FANK1: variants seen among roughly 807,000 people sequenced by gnomAD.
FANK1 encodes the protein fibronectin type III and ankyrin repeat domains 1, also known as fibronectin type 3 and ankyrin repeat domains protein 1.
FANK1 carries 44 observed loss-of-function variants against 45.3 expected under a neutral mutation model. The ratio of observed to expected loss-of-function variants is 0.97; its 90% confidence interval spans 0.76 to 1.25. The LOEUF is 1.25. FANK1 is among the 50% of genes most tolerant of loss of function. The pLI is 0.00. For missense variants in FANK1, 391 were observed against 424.4 expected (o/e 0.92, Z 0.69); for synonymous variants, 149 against 152.5 (o/e 0.98, Z 0.17).
chr10:125,967,581 A>G lies in FANK1; in HGVS notation c.14-12580A>G, dbSNP rs545393312. ...GAGGATTTGCTATACTATTCGTTCT[A>G]CTTTTTATGTTGAAATTTTTATTCA... On this transcript the variant is annotated intron_variant, in intron 1 of 10. Coordinates refer to ENST00000368693, the MANE Select transcript of FANK1 (RefSeq NM_145235.5). Among the ~76,000 whole-genome samples, 4 of 152,260 alleles carry G rather than the reference A, an allele frequency of 2.6e-5. No individual in the cohort carries two copies. The South Asian group carries it at 8.3e-4, about 32-fold the overall frequency.
In FANK1 at chr10:125,940,856, A is replaced by G. The variant is rs187697849; in HGVS notation, c.14-39305A>G. On this transcript the variant is annotated intron_variant, in intron 1 of 10. Coordinates refer to ENST00000368693, the MANE Select transcript of FANK1 (RefSeq NM_145235.5). The stretch of plus-strand genomic sequence containing the variant: ...GACTTTTACCAAGCATACTGCCTGT[A>G]AACATATTGTTAACAAGGCACATCC... 9.8e-5 allele frequency among the ~76,000 whole-genome samples: 15 copies of G among 152,344 alleles called. No homozygotes were observed. The East Asian group carries it at 2.5e-3, about 25-fold the overall frequency.
At chr10:125,970,292 C>T (rs1950423137) in intron 1 of FANK1, among the ~76,000 whole-genome samples, 1 of 151,468 alleles carries the variant, frequency 6.6e-6, no homozygotes, top group Non-Finnish European at 1.5e-5. Context: ...CGGGGGCGCC[C>T]CCTGCCTCCC....
intron 1 of FANK1, among the ~76,000 whole-genome samples, chr10:125,955,302 C>T (rs116930785): frequency 1.3e-5 from 2 of 152,132 alleles, no homozygotes; most frequent in East Asian, 3.9e-4. Context: ...TTGGTCCCCC[C>T]CATGTGACCA....
At chr10:125,901,540 T>C (rs1945037397) in intron 1 of FANK1, among the ~76,000 whole-genome samples, 1 of 152,154 alleles carries the variant, frequency 6.6e-6, no homozygotes, top group East Asian at 1.9e-4. Context: ...TCATCACACA[T>C]CTGATCTTAG....
intron 7 of FANK1, among the ~76,000 whole-genome samples, chr10:126,006,056 A>T (rs1374317980): frequency 6.6e-6 from 1 of 152,238 alleles, no homozygotes; most frequent in Admixed American, 6.5e-5. Context: ...ACTTTGAAGA[A>T]ATTAGCTAAA....
intron 3 of FANK1, among the ~76,000 whole-genome samples, chr10:125,989,113 TG>T (rs1951760948): frequency 6.6e-6 from 1 of 152,190 alleles, no homozygotes; most frequent in Non-Finnish European, 1.5e-5. Context: ...ACCCGATTCC[TG>T]GGGTCACGGT....
chr10:125,973,527 A>G lies in FANK1; in HGVS notation c.14-6634A>G, dbSNP rs1032650242. The G allele has an allele frequency of 2.6e-5, 23 of 899,768 alleles. No individual in the cohort carries two copies. In the African/African-American group the frequency reaches 3.2e-4, roughly 13 times the overall value. 55.7% of individuals were successfully genotyped at this position (899,768 alleles called of 1,614,324 possible). The stretch of plus-strand genomic sequence containing the variant: ...GTCTGGTTCAGTAGTTCCTTCTTCC[A>G]CATGTATCCCTCAGTATCTAGAACC... On this transcript the variant is annotated intron_variant, in intron 1 of 10. Transcript: ENST00000368693.
intron 3 of FANK1, among the ~76,000 whole-genome samples, chr10:125,990,548 G>A (rs1342364240): frequency 6.6e-6 from 1 of 152,178 alleles, no homozygotes; most frequent in Non-Finnish European, 1.5e-5. Context: ...GAGTCCACCC[G>A]AACCTTCCAG....
chr10:126,001,956 A>G (rs916259282), intron 6 of FANK1, among the ~76,000 whole-genome samples: 6 of 152,104 alleles, frequency 3.9e-5, no homozygotes, highest in Admixed American at 2.0e-4. Context: ...TGACTCTGAT[A>G]TGGGATTTTT....
intron 1 of FANK1, among the ~76,000 whole-genome samples, chr10:125,946,571 A>C (rs1012315218): frequency 6.6e-6 from 1 of 151,584 alleles, no homozygotes; most frequent in African/African-American, 2.4e-5. Context: ...AAGAATAAAA[A>C]TAAATGAGCA....
In FANK1 at chr10:126,009,383, C is replaced by T. The variant is rs369078325; in HGVS notation, c.983C>T (p.Ser328Phe). 1.2e-6 allele frequency: 2 copies of T among 1,613,854 alleles called. No homozygotes were observed. The highest frequency in any genetic ancestry group is 1.7e-6 in the Non-Finnish European group (2 of 1,179,966). The change falls in exon 11 of 11, where the codon TCC becomes TTC. Residue 328 changes from serine (S) to phenylalanine (F), a missense_variant. Coordinates refer to ENST00000368693, the MANE Select transcript of FANK1 (RefSeq NM_145235.5). ...ARVFDRQSVV[S>F]LLEERKKKQR... ...GTTTTGTTTATCTAGAGTGTAGTCT[C>T]CTTATTAGAAGAAAGGAAAAAAAAG...
chr10:125,971,839 G>T (rs182567522), intron 1 of FANK1, among the ~76,000 whole-genome samples: 106 of 152,206 alleles, frequency 7.0e-4, no homozygotes, highest in Non-Finnish European at 1.3e-3. Flanking sequence ...AGCCAGGATG[G>T]TCTCGATCTC....
Position 125,898,101 on chromosome 10 carries a change from C to T in FANK1, c.13+1446C>T, listed in dbSNP as rs182832000. Among the ~76,000 whole-genome samples the T allele has an allele frequency of 9.0e-3, 1,324 of 147,824 alleles. 14 individuals are homozygous for T. Among genetic ancestry groups the T allele is most frequent in the African/African-American group, 0.03 (1,185 of 39,910 alleles). On this transcript the variant is annotated intron_variant, in intron 1 of 10. Transcript: ENST00000368693. Reference sequence around the variant, plus strand: ...GACGCTGAGGCCGAGGCAGGGGAATCGCTTGAACCCGGGAGGCGGAGGTTG... The same window carrying T: ...GACGCTGAGGCCGAGGCAGGGGAATTGCTTGAACCCGGGAGGCGGAGGTTG...
At chr10:125,911,319 C>T (rs1400250325) in intron 1 of FANK1, among the ~76,000 whole-genome samples, 3 of 152,180 alleles carry the variant, frequency 2.0e-5, no homozygotes, top group Non-Finnish European at 4.4e-5. Context: ...GAAACGGACT[C>T]TCCCCTAGAG....
intron 1 of FANK1, among the ~76,000 whole-genome samples, chr10:125,920,598 TAA>T (rs1216184768): frequency 6.6e-6 from 1 of 152,216 alleles, no homozygotes; most frequent in East Asian, 1.9e-4. Flanking sequence ...TATAAATTGT[TAA>T]AAATAATGAT....
At chr10:125,945,403 G>A (rs1214403663) in intron 1 of FANK1, among the ~76,000 whole-genome samples, 5 of 152,222 alleles carry the variant, frequency 3.3e-5, no homozygotes, top group East Asian at 1.9e-4. Flanking sequence ...CGCACCGTGC[G>A]CAAGCCGAAG....
chr10:125,923,114 ATG>A (rs761000617), intron 1 of FANK1, among the ~76,000 whole-genome samples: 2 of 151,894 alleles, frequency 1.3e-5, no homozygotes, highest in Non-Finnish European at 1.5e-5. Context: ...TATTTAATCT[ATG>A]TAAGATTTTT....
chr10:125,968,089 T>C (rs1457588466), intron 1 of FANK1, among the ~76,000 whole-genome samples: 1 of 152,106 alleles, frequency 6.6e-6, no homozygotes. Context: ...TCTTTTTTTT[T>C]TTTCTTTCTG....
intron 1 of FANK1, among the ~76,000 whole-genome samples, chr10:125,910,773 T>G (rs79042960): frequency 0.045 from 4,357 of 97,776 alleles, no homozygotes; most frequent in Non-Finnish European, 0.067. Context: ...GGTGGCTCAC[T>G]CCTGTAATCC....
Sources: gnomAD v4.1 joint callset for allele counts (sites outside exome capture counted in the v4.1 genomes callset) on GRCh38, gnomAD v4.1.1 for gene constraint, MANE v1.5 for transcripts, NCBI Gene and HGNC (gene_info 2026-07-23, HGNC 2026-07-21) for gene names.